Variants in SNX13 observed in about 807,000 individuals in gnomAD.
SNX13 encodes sorting nexin 13, also known as sorting nexin-13.
In SNX13, 45 loss-of-function variants were observed where a neutral mutation model predicts 133.6. The ratio of observed to expected loss-of-function variants is 0.34; its 90% CI spans 0.27 to 0.43. SNX13 has a LOEUF of 0.43. Among genes scored for constraint, SNX13 ranks in the 20% least tolerant of loss-of-function variants. SNX13 has a pLI of 1.00. For synonymous variants in SNX13, 414 were observed against 373.9 expected, an observed-to-expected ratio of 1.11 and a Z score of -1.24; for missense variants, 1,032 against 1,145.1, an observed-to-expected ratio of 0.90 and a Z score of 1.43.
chr7:17,834,788 A>C lies in SNX13; in HGVS notation c.1437T>G (p.Pro479=). 1 of 1,608,130 alleles carries C rather than the reference A, an allele frequency of 6.2e-7. No homozygotes were observed. The highest frequency in any genetic ancestry group is 8.5e-7 in the Non-Finnish European group (1 of 1,175,780). ...TTCTTTGAATGTCATCAAAGATTTC[A>C]GGGGTTGGATCTTCATGATTCAAAG... ...ADTLNHEDPT[P]EIFDDIQRKV... Residue 479 remains proline, a synonymous_variant, in exon 14 of 26, where the codon CCT becomes CCG. Coordinates refer to ENST00000428135, the MANE Select transcript of SNX13 (RefSeq NM_015132.5).
chr7:17,886,782 C>A (rs1028305861), intron 5 of SNX13, among the ~76,000 whole-genome samples: 3 of 151,994 alleles, frequency 2.0e-5, no homozygotes, highest in Non-Finnish European at 4.4e-5. Flanking sequence ...CATGTCCTTC[C>A]TCTCTATCTA....
intron 5 of SNX13, chr7:17,879,940 A>G (rs909084301): frequency 3.9e-5 from 6 of 152,236 alleles, no homozygotes; most frequent in African/African-American, 1.4e-4. Context: ...TTAGCTACAT[A>G]AAACCACACA....
intron 1 of SNX13, among the ~76,000 whole-genome samples, chr7:17,904,134 C>T (rs1284630002): frequency 5.9e-5 from 9 of 152,120 alleles, no homozygotes; most frequent in South Asian, 2.1e-4. Context: ...CCTATCAAGG[C>T]GTACTGACAT....
chr7:17,934,190 A>G (rs895085058), intron 1 of SNX13, among the ~76,000 whole-genome samples: 1 of 152,160 alleles, frequency 6.6e-6, no homozygotes, highest in African/African-American at 2.4e-5. Flanking sequence ...CTCTCCTTAC[A>G]CATATTTAAG....
intron 5 of SNX13, chr7:17,882,358 T>G (rs1461364868): frequency 1.3e-5 from 2 of 152,216 alleles, no homozygotes; most frequent in Non-Finnish European, 2.9e-5. Flanking sequence ...TTTATTGTTT[T>G]CAGCATTCTA....
rs185840878 is a variant in SNX13, at chr7:17,902,770, T to C, written c.13-5324A>G. On this transcript the variant is annotated intron_variant, in intron 1 of 25. Transcript: ENST00000428135. ...TCCCCAACCCCCAGGCTGCAGACCA[T>C]TAGGAACTGGGCCGCACAGCAGGAG... is the stretch of plus-strand genomic sequence containing the variant. Among the ~76,000 whole-genome samples, 556 of 152,198 alleles carry C rather than the reference T, an allele frequency of 3.7e-3. 5 individuals are homozygous for C. Among genetic ancestry groups the C allele is most frequent in the Non-Finnish European group, 5.9e-3 (400 of 68,004 alleles).
chr7:17,829,203 T>C (rs1316352913), intron 16 of SNX13, among the ~76,000 whole-genome samples: 2 of 151,374 alleles, frequency 1.3e-5, no homozygotes, highest in Non-Finnish European at 3.0e-5. Flanking sequence ...TTACGAAAGG[T>C]CTAAAAGAAA....
chr7:17,797,990 G>C (rs1784237443), intron 24 of SNX13, among the ~76,000 whole-genome samples: 1 of 151,850 alleles, frequency 6.6e-6, no homozygotes, highest in Admixed American at 6.6e-5. Context: ...ATAAAGTACT[G>C]TGCACAGTGC....
At position 17,868,493 on chromosome 7, in the gene SNX13, GAAAA is replaced by G; in HGVS notation, c.754-7_754-4del. On this transcript the variant is annotated splice_region_variant and splice_polypyrimidine_tract_variant and intron_variant, in intron 8 of 25. Transcript: ENST00000428135. ...AGAATTCCTCGTGCAAGGATTTCCT[GAAAA>G]AAAAGTAAATAACAAAAACAAATTT... is the stretch of plus-strand genomic sequence containing the variant. The G allele has an allele frequency of 6.3e-7, 1 of 1,582,398 alleles. No individual in the cohort carries two copies. Among genetic ancestry groups the G allele is most frequent in the Non-Finnish European group, 8.6e-7 (1 of 1,162,820 alleles).
At chr7:17,805,935 A>G (rs1319338484) in intron 20 of SNX13, among the ~76,000 whole-genome samples, 4 of 152,222 alleles carry the variant, frequency 2.6e-5, no homozygotes, top group Non-Finnish European at 5.9e-5. Context: ...AAGAGGCAGA[A>G]TTTCATAAGC....
At chr7:17,893,306 G>A (rs889811597) in intron 3 of SNX13, 26 bp downstream of exon 3, 1 of 1,465,306 alleles carries the variant, frequency 6.8e-7, no homozygotes, top group East Asian at 2.4e-5. Flanking sequence ...GGACTTTGAG[G>A]TTTTATATTC....
At chr7:17,813,136 G>A (rs1389060500) in intron 20 of SNX13, among the ~76,000 whole-genome samples, 1 of 152,052 alleles carries the variant, frequency 6.6e-6, no homozygotes, top group Non-Finnish European at 1.5e-5. Context: ...TGAAAAAAAA[G>A]TGTTGTATAA....
chr7:17,875,613 G>T (rs918627253), intron 6 of SNX13, 32 bp from the exon 7 acceptor site: 4 of 1,608,096 alleles, frequency 2.5e-6, no homozygotes, highest in Non-Finnish European at 3.4e-6. Context: ...TATATAAAAT[G>T]ATGAAAGGAA....
intron 20 of SNX13, among the ~76,000 whole-genome samples, chr7:17,805,045 G>A (rs1785035423): frequency 6.6e-6 from 1 of 152,176 alleles, no homozygotes; most frequent in South Asian, 2.1e-4. Context: ...CCATAGATAT[G>A]CTTGACGGAA....
At position 17,940,439 on chromosome 7, in the gene SNX13, C is replaced by G; in HGVS notation, c.-144G>C. Reference sequence around the variant, plus strand: ...CGGGCGGCGGTTTTACTCGGCTTCGCTGGCCTCCCCTCGGCCCGGTCGCTC... The same window carrying G: ...CGGGCGGCGGTTTTACTCGGCTTCGGTGGCCTCCCCTCGGCCCGGTCGCTC... On this transcript the variant is annotated 5_prime_UTR_variant, in exon 1 of 26. Coordinates refer to ENST00000428135, the MANE Select transcript of SNX13 (RefSeq NM_015132.5). The G allele has an allele frequency of 1.1e-6, 1 of 893,782 alleles. No homozygotes were observed. Among genetic ancestry groups the G allele is most frequent in the South Asian group, 1.4e-5 (1 of 71,376 alleles). The allele number at this position is 893,782 out of a possible 1,614,324, so 55.4% of individuals were successfully genotyped here. A position where few individuals can be genotyped will look rare whatever the true frequency, so the allele number is the denominator to read the frequency against.
chr7:17,833,179 T>A (rs994299157), intron 15 of SNX13, among the ~76,000 whole-genome samples: 1 of 151,642 alleles, frequency 6.6e-6, no homozygotes, highest in African/African-American at 2.4e-5. Flanking sequence ...AATAAATACT[T>A]CTGAATTGAA....
chr7:17,874,046 GA>G (rs1794414906), intron 7 of SNX13, among the ~76,000 whole-genome samples: 1 of 152,074 alleles, frequency 6.6e-6, no homozygotes, highest in Non-Finnish European at 1.5e-5. Context: ...AGGAAAAAAA[GA>G]GTATGCTCTT....
At chr7:17,837,488 T>A (rs1789277095) in intron 13 of SNX13, among the ~76,000 whole-genome samples, 1 of 152,044 alleles carries the variant, frequency 6.6e-6, no homozygotes, top group South Asian at 2.1e-4. Flanking sequence ...ATTGGGATTT[T>A]ACTTATTAAA....
intron 20 of SNX13, among the ~76,000 whole-genome samples, chr7:17,806,807 C>A (rs902608740): frequency 6.6e-6 from 1 of 152,108 alleles, no homozygotes; most frequent in Non-Finnish European, 1.5e-5. Context: ...CCACAGAGGG[C>A]GAGCTGAAGC....
Sources: gnomAD v4.1 joint callset for allele counts (sites outside exome capture counted in the v4.1 genomes callset) on GRCh38, gnomAD v4.1.1 for gene constraint, MANE v1.5 for transcripts, NCBI Gene and HGNC (gene_info 2026-07-23, HGNC 2026-07-21) for gene names.